The following OCA2 variants were observed in gnomAD, a reference collection of about 807,000 sequenced individuals.
The protein encoded by OCA2 is P protein.
Under a neutral mutation model 100.2 loss-of-function variants are expected in OCA2, and 77 were observed. That is an observed-to-expected ratio of 0.77 (90% CI 0.64 to 0.93). The LOEUF (loss-of-function observed/expected upper bound fraction) is 0.93, where lower values mean the gene tolerates loss of function less well. Among genes scored for constraint, OCA2 ranks in the 40% least tolerant of loss-of-function variants. The probability of loss-of-function intolerance (pLI) is 0.00; values close to 1 mark genes in which losing one functional copy is unlikely to be tolerated. For missense variants in OCA2, 1,062 were observed against 1,089.1 expected (o/e 0.98, Z 0.35); for synonymous variants, 432 against 439.2 (o/e 0.98, Z 0.21).
At chr15:27,917,276 ATCT>A (rs1468253063) in intron 19 of OCA2, among the ~76,000 whole-genome samples, 5 of 152,150 alleles carry the variant, frequency 3.3e-5, no homozygotes, top group African/African-American at 1.2e-4. Flanking sequence ...CTTCTATATG[ATCT>A]TCTTGGTTCT....
intron 23 of OCA2, among the ~76,000 whole-genome samples, chr15:27,827,011 T>C (rs7163017): frequency 0.51 from 76,849 of 152,138 alleles, 20,023 homozygotes; most frequent in South Asian, 0.76. Context: ...TTCCCTTGAG[T>C]GGAGCAGCCT....
At chr15:28,042,152 T>C (rs1027485003) in intron 2 of OCA2, among the ~76,000 whole-genome samples, 1 of 152,092 alleles carries the variant, frequency 6.6e-6, no homozygotes, top group Non-Finnish European at 1.5e-5. Context: ...AATGAACTTA[T>C]CAACTTGAAA....
chr15:27,955,111 T>C, intron 17 of OCA2, 47 bp downstream of exon 17: 1 of 1,356,150 alleles, frequency 7.4e-7, no homozygotes, highest in Non-Finnish European at 1.1e-6. Context: ...CTCACTCTCT[T>C]CTTGGAGAAG....
At chr15:28,045,735 A>G (rs2043328278) in intron 2 of OCA2, among the ~76,000 whole-genome samples, 1 of 152,184 alleles carries the variant, frequency 6.6e-6, no homozygotes, top group Non-Finnish European at 1.5e-5. Flanking sequence ...TCCAGGCTAC[A>G]GTATTTTACA....
intron 2 of OCA2, among the ~76,000 whole-genome samples, chr15:28,070,025 T>C (rs2044178225): frequency 1.9e-5 from 2 of 107,778 alleles, no homozygotes; most frequent in South Asian, 6.5e-4. Flanking sequence ...ACCCATCGTC[T>C]GAGATGTGGG....
At chr15:27,930,421 G>A (rs2039205340) in intron 18 of OCA2, among the ~76,000 whole-genome samples, 1 of 151,952 alleles carries the variant, frequency 6.6e-6, no homozygotes. Flanking sequence ...TTAATATAAA[G>A]TTCTAGAAAA....
intron 21 of OCA2, among the ~76,000 whole-genome samples, chr15:27,862,452 GA>G (rs577667478): frequency 4.7e-5 from 7 of 148,864 alleles, no homozygotes; most frequent in Admixed American, 3.3e-4. Flanking sequence ...AAAGAACTTT[GA>G]AAAAAAAGTA....
At chr15:27,818,331 G>A (rs1422766812) in intron 23 of OCA2, among the ~76,000 whole-genome samples, 1 of 152,208 alleles carries the variant, frequency 6.6e-6, no homozygotes, top group Non-Finnish European at 1.5e-5. Flanking sequence ...GGAGGTTGCA[G>A]TGAGCCGGGA....
chr15:27,745,525 C>A, the OCA2 span, among the ~76,000 whole-genome samples: 1 of 152,176 alleles, frequency 6.6e-6, no homozygotes, highest in Non-Finnish European at 1.5e-5. Context: ...TGCAGACCAG[C>A]AAGTCCCAGC....
intron 23 of OCA2, among the ~76,000 whole-genome samples, chr15:27,758,130 T>C (rs2150981335): frequency 6.6e-6 from 1 of 152,224 alleles, no homozygotes; most frequent in South Asian, 2.1e-4. Flanking sequence ...CTGGGGATCT[T>C]GGGGTCCCAA....
chr15:27,794,333 G>C (rs567427053), intron 23 of OCA2, among the ~76,000 whole-genome samples: 12 of 152,310 alleles, frequency 7.9e-5, no homozygotes, highest in African/African-American at 2.9e-4. Context: ...ATGCATGGAA[G>C]AGTGCGCTCA....
chr15:27,739,438 TTC>T, the OCA2 span, among the ~76,000 whole-genome samples: 1 of 114,784 alleles, frequency 8.7e-6, no homozygotes, highest in Non-Finnish European at 1.9e-5. Context: ...AATAATTTCT[TTC>T]TTTTTTTTTT....
chr15:27,933,709 A>T (rs2039346061), intron 18 of OCA2, among the ~76,000 whole-genome samples: 1 of 152,176 alleles, frequency 6.6e-6, no homozygotes, highest in East Asian at 1.9e-4. Context: ...CATTGTCCAG[A>T]AGAAGAATGT....
chr15:27,827,124 A>C (rs2034759058), intron 23 of OCA2, among the ~76,000 whole-genome samples: 1 of 152,232 alleles, frequency 6.6e-6, no homozygotes, highest in Admixed American at 6.5e-5. Flanking sequence ...TGTTTTCATC[A>C]GTCTATTAAA....
chr15:27,896,584 C>G, intron 19 of OCA2: 1 of 289,944 alleles, frequency 3.4e-6, no homozygotes, highest in Non-Finnish European at 6.6e-6. Context: ...GAGAGCTAAA[C>G]CAAACAATTT....
chr15:27,769,618 A>C (rs1274803114), intron 23 of OCA2, among the ~76,000 whole-genome samples: 1 of 151,968 alleles, frequency 6.6e-6, no homozygotes, highest in African/African-American at 2.4e-5. Flanking sequence ...ACCAGACACC[A>C]CCTGTTCCCC....
intron 2 of OCA2, among the ~76,000 whole-genome samples, chr15:28,041,254 A>AG (rs2043192226): frequency 8.1e-6 from 1 of 122,710 alleles, no homozygotes; most frequent in East Asian, 2.1e-4. Flanking sequence ...CAGTAAAGAA[A>AG]AAAAAACGTG....
intron 19 of OCA2, among the ~76,000 whole-genome samples, chr15:27,920,685 G>A (rs1233733296): frequency 6.6e-6 from 1 of 151,628 alleles, no homozygotes; most frequent in Non-Finnish European, 1.5e-5. Flanking sequence ...GATGCATTAA[G>A]TAGAGAATAT....
intron 23 of OCA2, among the ~76,000 whole-genome samples, chr15:27,823,893 G>T (rs1382038023): frequency 6.6e-6 from 1 of 152,090 alleles, no homozygotes; most frequent in Non-Finnish European, 1.5e-5. Flanking sequence ...CAATACTAAG[G>T]AGCTTAAAGC....
Sources: gnomAD v4.1 joint callset for allele counts (sites outside exome capture counted in the v4.1 genomes callset) on GRCh38, gnomAD v4.1.1 for gene constraint, MANE v1.5 for transcripts, NCBI Gene and HGNC (gene_info 2026-07-23, HGNC 2026-07-21) for gene names.